Variants in TTC23 observed in about 807,000 individuals in gnomAD.
TTC23 encodes tetratricopeptide repeat protein 23.
In TTC23, 58 loss-of-function variants were observed where a neutral mutation model predicts 55.1. That is an observed-to-expected ratio of 1.05 (90% CI 0.85 to 1.31). TTC23 has a LOEUF of 1.31. Among genes scored for constraint, TTC23 ranks in the 50% most tolerant of loss-of-function variants. The probability of loss-of-function intolerance (pLI) is 0.00; values close to 1 mark genes in which losing one functional copy is unlikely to be tolerated. For missense variants in TTC23, 516 were observed against 534.4 expected, an observed-to-expected ratio of 0.97 and a Z score of 0.34; for synonymous variants, 203 against 199.9, an observed-to-expected ratio of 1.02 and a Z score of -0.13.
rs1555488134 is a variant in TTC23 at position 99,138,128 on chromosome 15, C to T, written c.1227-1G>A. 6.2e-7 allele frequency: 1 copy of T among 1,612,176 alleles called. No individual in the cohort carries two copies. The highest frequency in any genetic ancestry group is 8.5e-7 in the Non-Finnish European group (1 of 1,179,928). ...TGGCTTCGAAGCAACCTTGGGGGCC[C>T]TGCAGACAAGCAGAGGGTGGGGTGA... On this transcript the variant is annotated splice_acceptor_variant, in intron 13 of 13. Transcript: ENST00000394132. LOFTEE classifies it high-confidence loss of function.
At chr15:99,212,260 ATG>A (rs35709919) in intron 8 of TTC23, among the ~76,000 whole-genome samples, 23,598 of 146,110 alleles carry the variant, frequency 0.16, 2,118 homozygotes, top group African/African-American at 0.27. Flanking sequence ...TTAAAGAGGG[ATG>A]TGTGTGTGTG....
chr15:99,175,229 G>C, intron 9 of TTC23, 74 bp from the exon 10 acceptor site: 1 of 1,222,980 alleles, frequency 8.2e-7, no homozygotes, highest in South Asian at 1.3e-5. Context: ...TGTCCTTGCA[G>C]AGATAAGCAG....
intron 4 of TTC23, among the ~76,000 whole-genome samples, chr15:99,229,039 TCCA>T: frequency 3.0e-5 from 3 of 98,648 alleles, no homozygotes; most frequent in African/African-American, 1.1e-4. Context: ...ATACGTAAAG[TCCA>T]GTAGAAATTA....
intron 10 of TTC23, among the ~76,000 whole-genome samples, chr15:99,172,075 T>A (rs528219895): frequency 5.9e-5 from 9 of 151,636 alleles, no homozygotes; most frequent in Middle Eastern, 3.4e-3. Flanking sequence ...TGGAGTGCAG[T>A]GGCACAATCT....
chr15:99,161,670 C>T (rs2071395429), intron 11 of TTC23, 70 bp downstream of exon 11: 2 of 1,531,972 alleles, frequency 1.3e-6, no homozygotes, highest in African/African-American at 1.4e-5. Flanking sequence ...TGGATGCTTG[C>T]AGAGTAAAGG....
Position 99,138,180 on chromosome 15 carries a change from C to T in TTC23, c.1227-53G>A, listed in dbSNP as rs139435138. ...TGTGGTGCCCCTCAGCCCCCCACACCGTTCCCATCCAGCCTTTGCTGCCCA... is the reference window on the plus strand; with the variant it reads ...TGTGGTGCCCCTCAGCCCCCCACACTGTTCCCATCCAGCCTTTGCTGCCCA... On this transcript the variant is annotated intron_variant, in intron 13 of 13. Coordinates refer to ENST00000394132, the MANE Select transcript of TTC23 (RefSeq NM_001288615.3). The T allele has an allele frequency of 1.6e-4, 258 of 1,598,790 alleles. No individual in the cohort carries two copies. In the African/African-American group the frequency reaches 2.5e-3, roughly 15 times the overall value.
At chr15:99,172,020 AT>A (rs368669705) in intron 10 of TTC23, among the ~76,000 whole-genome samples, 3,091 of 138,518 alleles carry the variant, frequency 0.022, 83 homozygotes, top group African/African-American at 0.067. Flanking sequence ...TGTTTCTCAC[AT>A]TTTTTTTTTT....
intron 4 of TTC23, among the ~76,000 whole-genome samples, chr15:99,232,357 T>C (rs2079000897): frequency 6.6e-6 from 1 of 151,444 alleles, no homozygotes; most frequent in Non-Finnish European, 1.5e-5. Context: ...CACATGCCTG[T>C]AATCCCAGCT....
intron 8 of TTC23, among the ~76,000 whole-genome samples, chr15:99,201,791 G>T (rs1040423370): frequency 4.6e-5 from 7 of 152,174 alleles, no homozygotes; most frequent in Admixed American, 3.3e-4. Flanking sequence ...TGATGCTGAA[G>T]GAGCTTAGAA....
Position 99,200,015 on chromosome 15 carries a change from A to C in TTC23, c.663T>G (p.Gly221=). The C allele has an allele frequency of 6.2e-7, 1 of 1,614,078 alleles. No individual in the cohort carries two copies. The highest frequency in any genetic ancestry group is 8.5e-7 in the Non-Finnish European group (1 of 1,180,008). The change falls in exon 9 of 14, where the codon GGT becomes GGG. Residue 221 remains glycine, a synonymous_variant. Transcript: ENST00000394132. ...TGGGTACACACTCACGACTTGTTTC[A>C]CCTTTACTGATCTCAACATATTCCA... ...AALEYVEISK[G]ETSRECVPIL... is the part of the protein sequence containing the mutation.
intron 3 of TTC23, among the ~76,000 whole-genome samples, chr15:99,237,335 A>T (rs2079405526): frequency 6.6e-6 from 1 of 152,206 alleles, no homozygotes; most frequent in Non-Finnish European, 1.5e-5. Flanking sequence ...AAAAAGACTT[A>T]CATACAAATG....
Position 99,137,952 on chromosome 15 carries a change from T to A in TTC23, c.*58A>T. The A allele has an allele frequency of 6.2e-7, 1 of 1,608,564 alleles. No individual in the cohort carries two copies. Among genetic ancestry groups the A allele is most frequent in the Non-Finnish European group, 8.5e-7 (1 of 1,176,168 alleles). On this transcript the variant is annotated 3_prime_UTR_variant, in exon 14 of 14. Coordinates refer to ENST00000394132, the MANE Select transcript of TTC23 (RefSeq NM_001288615.3). Reference sequence around the variant, plus strand: ...CCATTTTCTAGGCGGAGGTGATTTGTACAGCACCCTAAATGACAGTGCCCA... The same window carrying A: ...CCATTTTCTAGGCGGAGGTGATTTGAACAGCACCCTAAATGACAGTGCCCA...
chr15:99,214,562 A>G (rs1340750142), intron 8 of TTC23, among the ~76,000 whole-genome samples: 1 of 149,356 alleles, frequency 6.7e-6, no homozygotes, highest in African/African-American at 2.5e-5. Context: ...AGTAGCTAGG[A>G]CTATAGGTGA....
chr15:99,212,261 T>TGA (rs1491352811), intron 8 of TTC23, among the ~76,000 whole-genome samples: 1 of 36,014 alleles, frequency 2.8e-5, no homozygotes, highest in African/African-American at 1.0e-4. Context: ...TAAAGAGGGA[T>TGA]GTGTGTGTGT....
At chr15:99,239,266 C>T (rs914342354) in intron 3 of TTC23, among the ~76,000 whole-genome samples, 8 of 152,118 alleles carry the variant, frequency 5.3e-5, no homozygotes, top group African/African-American at 1.9e-4. Context: ...GCATGCAGAT[C>T]ACAAGGTCAG....
chr15:99,171,503 T>C (rs1596384413), intron 10 of TTC23, among the ~76,000 whole-genome samples: 2 of 151,174 alleles, frequency 1.3e-5, no homozygotes, highest in Middle Eastern at 3.5e-3. Flanking sequence ...CAAGTGCTGC[T>C]GCTATGGTTG....
intron 13 of TTC23, among the ~76,000 whole-genome samples, chr15:99,138,644 C>T (rs1355653412): frequency 6.6e-6 from 1 of 152,244 alleles, no homozygotes; most frequent in African/African-American, 2.4e-5. Flanking sequence ...CTGTGACCAT[C>T]CTCACTGAGC....
chr15:99,148,211 G>A (rs1408767889), intron 12 of TTC23, among the ~76,000 whole-genome samples: 4 of 151,364 alleles, frequency 2.6e-5, no homozygotes, highest in Admixed American at 1.3e-4. Flanking sequence ...AAATACACAA[G>A]TTAGCCAGGC....
At chr15:99,225,917 T>C (rs1018809539) in intron 5 of TTC23, among the ~76,000 whole-genome samples, 49 of 152,228 alleles carry the variant, frequency 3.2e-4, no homozygotes, top group Non-Finnish European at 1.0e-4. Context: ...ACAGACATTC[T>C]GCACCTCCTG....
Sources: allele counts gnomAD v4.1 joint callset (sites outside exome capture counted in the v4.1 genomes callset), GRCh38; gene constraint gnomAD v4.1.1; transcripts MANE v1.5; gene names NCBI Gene and HGNC (gene_info 2026-07-23, HGNC 2026-07-21).